RNASEH2A: variants seen among roughly 807,000 people sequenced by gnomAD.
RNASEH2A encodes the protein RNase H(35).
In RNASEH2A, 30 loss-of-function variants were observed where a neutral mutation model predicts 32.7. The observed-to-expected ratio is 0.92, with a 90% CI of 0.69 to 1.25. The LOEUF (loss-of-function observed/expected upper bound fraction) is 1.25, where lower values mean the gene tolerates loss of function less well. Ranked by LOEUF, RNASEH2A falls within the 50% of genes most tolerant of loss-of-function variation. The pLI is 0.00. For synonymous variants in RNASEH2A, 147 were observed against 165.4 expected (o/e 0.89, Z 0.86); for missense variants, 409 against 398.1 (o/e 1.03, Z -0.23).
rs1969058319 is a variant in RNASEH2A, at chr19:12,810,497, A to G, written c.637+93A>G. The G allele has an allele frequency of 2.7e-6, 3 of 1,122,674 alleles. No homozygotes were observed. In the South Asian group the frequency reaches 4.0e-5, roughly 15 times the overall value. 69.5% of individuals were successfully genotyped at this position (1,122,674 alleles called of 1,614,324 possible). A position where few individuals can be genotyped will look rare whatever the true frequency, so the allele number is the denominator to read the frequency against. On this transcript the variant is annotated intron_variant, in intron 6 of 7. Coordinates refer to ENST00000221486, the MANE Select transcript of RNASEH2A (RefSeq NM_006397.3). ...CTTTTTTTCCTTTCTGTCATTTATCATTTTATTTTGCTTATTTTTTGTTTT... is the reference window on the plus strand; with the variant it reads ...CTTTTTTTCCTTTCTGTCATTTATCGTTTTATTTTGCTTATTTTTTGTTTT...
intron 6 of RNASEH2A, among the ~76,000 whole-genome samples, chr19:12,812,335 C>T (rs1969085164): frequency 6.6e-6 from 1 of 151,694 alleles, no homozygotes; most frequent in Non-Finnish European, 1.5e-5. Flanking sequence ...TGAGACCAGC[C>T]TGCCTGTCCA....
Position 12,810,369 on chromosome 19 carries a change from A to T in RNASEH2A, c.602A>T (p.Asp201Val). The stretch of plus-strand genomic sequence containing the variant: ...TGGCAGTTCGTGGAGAAACTGCAGG[A>T]CTTGGATACTGATTATGGCTCAGGC... Reference protein sequence around the residue: ...KKWQFVEKLQDLDTDYGSGYP... With the variant: ...KKWQFVEKLQVLDTDYGSGYP... The change falls in exon 6 of 8, where the codon GAC (aspartate) becomes GTC (valine). Residue 201 changes from aspartate to valine, a missense_variant. Coordinates refer to ENST00000221486, the MANE Select transcript of RNASEH2A (RefSeq NM_006397.3). The T allele has an allele frequency of 6.2e-7, 1 of 1,614,122 alleles. No individual in the cohort carries two copies. The highest frequency in any genetic ancestry group is 8.5e-7 in the Non-Finnish European group (1 of 1,180,018).
At chr19:12,808,510 A>AC (rs1289147758) in intron 4 of RNASEH2A, among the ~76,000 whole-genome samples, 1 of 151,254 alleles carries the variant, frequency 6.6e-6, no homozygotes, top group Non-Finnish European at 1.5e-5. Context: ...AGCCCAGGAC[A>AC]CCCCCCACTC....
intron 4 of RNASEH2A, among the ~76,000 whole-genome samples, chr19:12,809,594 C>T (rs1166613178): frequency 6.6e-6 from 1 of 152,238 alleles, no homozygotes; most frequent in Non-Finnish European, 1.5e-5. Flanking sequence ...CCCACTTCGG[C>T]TTCCTAAAGT....
intron 4 of RNASEH2A, 112 bp from the exon 5 acceptor site, chr19:12,809,959 G>A (rs1969048732): frequency 7.4e-7 from 1 of 1,353,244 alleles, no homozygotes; most frequent in Admixed American, 1.7e-5. Context: ...TCCATCCTGG[G>A]GACGTGCTGG....
At position 12,810,059 on chromosome 19, in the gene RNASEH2A, T is replaced by G; in HGVS notation, c.412-12T>G. ...TGTTTGTTCAATTAATATGTGTCTG[T>G]TGCTGTGGCAGGTATTCGTGGACAC... On this transcript the variant is annotated splice_polypyrimidine_tract_variant and intron_variant, in intron 4 of 7. Transcript: ENST00000221486. 1.2e-6 allele frequency: 2 copies of G among 1,614,148 alleles called. No individual in the cohort carries two copies. The highest frequency in any genetic ancestry group is 1.7e-6 in the Non-Finnish European group (2 of 1,180,030).
chr19:12,813,535 G>C lies in RNASEH2A; in HGVS notation c.*69G>C, dbSNP rs969808573. On this transcript the variant is annotated 3_prime_UTR_variant, in exon 8 of 8. Transcript: ENST00000221486. ...TAAAATTGTTTAAGGAGAACCACAC[G>C]TAGGGGATGTACTTTTGGGACAGAA... 3.4e-5 allele frequency: 54 copies of C among 1,593,024 alleles called. No homozygotes were observed. Among genetic ancestry groups the C allele is most frequent in the Non-Finnish European group, 4.5e-5 (53 of 1,171,314 alleles).
intron 4 of RNASEH2A, 125 bp from the exon 5 acceptor site, chr19:12,809,946 T>G: frequency 8.0e-7 from 1 of 1,248,492 alleles, no homozygotes; most frequent in Non-Finnish European, 1.2e-6. Flanking sequence ...AATCCCTGAT[T>G]GATCCATCCT....
intron 4 of RNASEH2A, among the ~76,000 whole-genome samples, chr19:12,809,359 C>G (rs1203196102): frequency 3.3e-5 from 5 of 152,290 alleles, no homozygotes; most frequent in Non-Finnish European, 7.3e-5. Context: ...GCCAAAGGCC[C>G]CCATGCATGG....
chr19:12,809,741 C>T (rs1369664563), intron 4 of RNASEH2A, among the ~76,000 whole-genome samples: 3 of 152,006 alleles, frequency 2.0e-5, no homozygotes, highest in African/African-American at 7.3e-5. Flanking sequence ...ATAGAGAAAG[C>T]CTCTTCAGGA....
chr19:12,812,781 T>C (rs906290948), intron 6 of RNASEH2A, among the ~76,000 whole-genome samples: 1 of 150,708 alleles, frequency 6.6e-6, no homozygotes, highest in Non-Finnish European at 1.5e-5. Flanking sequence ...CCGAGGGGGG[T>C]AGATCACGAG....
chr19:12,811,902 C>CA (rs1415352608), intron 6 of RNASEH2A, among the ~76,000 whole-genome samples: 2 of 146,554 alleles, frequency 1.4e-5, no homozygotes, highest in Non-Finnish European at 3.0e-5. Context: ...GGGAAATGAG[C>CA]AAAATTCCAT....
At position 12,807,493 on chromosome 19, in the gene RNASEH2A, T is replaced by G; in HGVS notation, c.398T>G (p.Val133Gly). The G allele has an allele frequency of 6.2e-7, 1 of 1,614,000 alleles. No individual in the cohort carries two copies. The highest frequency in any genetic ancestry group is 8.5e-7 in the Non-Finnish European group (1 of 1,179,878). ...GLIQYALDQG[V>G]NVTQVFVDTV... is the part of the protein sequence containing the mutation. ...ATACAGTATGCATTGGACCAGGGCG[T>G]GAACGTCACCCAGGTGAGTTAACTG... is the stretch of plus-strand genomic sequence containing the variant. Residue 133 changes from valine to glycine, a missense_variant, in exon 4 of 8, where the codon GTG (valine) becomes GGG (glycine). Transcript: ENST00000221486.
At position 12,807,761 on chromosome 19, in the gene RNASEH2A, G is replaced by A. The variant is rs4804731; in HGVS notation, c.411+255G>A. On this transcript the variant is annotated intron_variant, in intron 4 of 7. Transcript: ENST00000221486. ...AGCCTGACCAACATGGTGAAACCCC[G>A]TCTCTACTAAAAATACAAAAATTAG... is the stretch of plus-strand genomic sequence containing the variant. 0.14 allele frequency: 65,701 copies of A among 476,148 alleles called. 5,037 individuals are homozygous for A. Among genetic ancestry groups the A allele is most frequent in the South Asian group, 0.16 (7,900 of 48,932 alleles). 29.5% of individuals were successfully genotyped at this position (476,148 alleles called of 1,614,324 possible). A position where few individuals can be genotyped will look rare whatever the true frequency, so the allele number is the denominator to read the frequency against.
At position 12,813,372 on chromosome 19, in the gene RNASEH2A, C is replaced by T. The variant is rs559713739; in HGVS notation, c.806C>T (p.Thr269Ile). ...AATCAGGAGGGACTCAGGAAGATCA[C>T]ATCCTACTTCCTCAATGAAGGGTCC... is the stretch of plus-strand genomic sequence containing the variant. ...SENQEGLRKI[T>I]SYFLNEGSQA... The change falls in exon 8 of 8, where the codon ACA (threonine) becomes ATA (isoleucine). Residue 269 changes from threonine to isoleucine, a missense_variant. Coordinates refer to ENST00000221486, the MANE Select transcript of RNASEH2A (RefSeq NM_006397.3). 1 of 1,614,180 alleles carries T rather than the reference C, an allele frequency of 6.2e-7. No homozygotes were observed. The highest frequency in any genetic ancestry group is 1.1e-5 in the South Asian group (1 of 91,088).
At position 12,807,495 on chromosome 19, in the gene RNASEH2A, A is replaced by G. The variant is rs1238284101; in HGVS notation, c.400A>G (p.Asn134Asp). 6.2e-7 allele frequency: 1 copy of G among 1,613,872 alleles called. No individual in the cohort carries two copies. Among genetic ancestry groups the G allele is most frequent in the African/African-American group, 1.3e-5 (1 of 74,922 alleles). ...LIQYALDQGV[N>D]VTQVFVDTVG... ...ACAGTATGCATTGGACCAGGGCGTGAACGTCACCCAGGTGAGTTAACTGTA... is the reference window on the plus strand; with the variant it reads ...ACAGTATGCATTGGACCAGGGCGTGGACGTCACCCAGGTGAGTTAACTGTA... The change falls in exon 4 of 8, where the codon AAC becomes GAC. Residue 134 changes from asparagine to aspartate, a missense_variant. Physicochemically the swap from Asn to Asp is conservative, Grantham distance 23. Transcript: ENST00000221486.
chr19:12,813,072 C>T lies in RNASEH2A; in HGVS notation c.638-11C>T. 1 of 1,614,000 alleles carries T rather than the reference C, an allele frequency of 6.2e-7. No homozygotes were observed. Among genetic ancestry groups the T allele is most frequent in the Non-Finnish European group, 8.5e-7 (1 of 1,180,014 alleles). On this transcript the variant is annotated splice_polypyrimidine_tract_variant and intron_variant, in intron 6 of 7. Coordinates refer to ENST00000221486, the MANE Select transcript of RNASEH2A (RefSeq NM_006397.3). ...CAACTTGGACTGTCACCATTGCCCA[C>T]CCTACCCCAGATCCCAAGACAAAAG... is the stretch of plus-strand genomic sequence containing the variant.
chr19:12,812,684 C>T (rs1216106324), intron 6 of RNASEH2A, among the ~76,000 whole-genome samples: 1 of 151,978 alleles, frequency 6.6e-6, no homozygotes, highest in Non-Finnish European at 1.5e-5. Flanking sequence ...ATAGGAGGTG[C>T]CCCAGGTACT....
intron 4 of RNASEH2A, among the ~76,000 whole-genome samples, chr19:12,809,768 A>AT (rs1446632577): frequency 4.2e-5 from 6 of 144,200 alleles, no homozygotes; most frequent in Non-Finnish European, 9.0e-5. Context: ...TTTTTTCTTT[A>AT]TTTTATTGTA....
Sources: allele counts gnomAD v4.1 joint callset (sites outside exome capture counted in the v4.1 genomes callset), GRCh38; gene constraint gnomAD v4.1.1; transcripts MANE v1.5; gene names NCBI Gene and HGNC (gene_info 2026-07-23, HGNC 2026-07-21).